The following ZNF778 variants were observed in gnomAD, a reference collection of about 807,000 sequenced individuals.
ZNF778 encodes zinc finger protein 778.
Under a neutral mutation model 23.9 loss-of-function variants are expected in ZNF778, and 37 were observed. The ratio of observed to expected loss-of-function variants is 1.54; its 90% CI spans 1.19 to 2.03. The LOEUF is 2.03. Among genes scored for constraint, ZNF778 ranks in the 30% most tolerant of loss-of-function variants. The pLI is 0.00. For synonymous variants in ZNF778, 483 were observed against 343.9 expected (o/e 1.40, Z -4.48); for missense variants, 1,297 against 934.4 (o/e 1.39, Z -5.06).
In ZNF778 at chr16:89,232,642, G is replaced by GA. The variant is rs112971068; in HGVS notation, c.*4080_*4081insA. The GA allele has an allele frequency of 1.1e-5, 11 of 1,047,116 alleles. No homozygotes were observed. Among genetic ancestry groups the GA allele is most frequent in the Middle Eastern group, 2.7e-4 (1 of 3,748 alleles). 64.9% of individuals were successfully genotyped at this position (1,047,116 alleles called of 1,614,324 possible). A position where few individuals can be genotyped will look rare whatever the true frequency, so the allele number is the denominator to read the frequency against. ...TTAAAGGACCAATTGTATTAATTAT[G>GA]TTTTTTTTTTTTTTGTTAGGGTACA... is the stretch of plus-strand genomic sequence containing the variant. On this transcript the variant is annotated 3_prime_UTR_variant, in exon 7 of 7. Coordinates refer to ENST00000433976, the MANE Select transcript of ZNF778 (RefSeq NM_001201407.2).
Position 89,229,166 on chromosome 16 carries a change from A to C in ZNF778, c.*604A>C, listed in dbSNP as rs2031762862. 1.0e-6 allele frequency: 1 copy of C among 985,908 alleles called. No individual in the cohort carries two copies. The highest frequency in any genetic ancestry group is 1.1e-4 in the East Asian group (1 of 8,838). The allele number at this position is 985,908 out of a possible 1,614,324, so 61.1% of individuals were successfully genotyped here. ...ACAGTGTCCACGTCGCAGCCTGGCT[A>C]ACAGTAGGCCTTGAGGACTCAGATG... is the stretch of plus-strand genomic sequence containing the variant. On this transcript the variant is annotated 3_prime_UTR_variant, in exon 7 of 7. Transcript: ENST00000433976.
rs751078236 is a variant in ZNF778, at chr16:89,221,201, T to TAC, written c.25+53_25+54dup. 40 of 1,444,182 alleles carry TAC rather than the reference T, an allele frequency of 2.8e-5. No individual in the cohort carries two copies. In the South Asian group the frequency reaches 3.8e-4, roughly 14 times the overall value. 89.5% of individuals were successfully genotyped at this position (1,444,182 alleles called of 1,614,324 possible). On this transcript the variant is annotated intron_variant, in intron 2 of 6. Coordinates refer to ENST00000433976, the MANE Select transcript of ZNF778 (RefSeq NM_001201407.2). ...TCAGAGCCTCTGCTCTAGGTCCTGA[T>TAC]ACACAGTGTGTGTATCAGGCCCATG...
At chr16:89,219,309 G>A (rs2030687775) in intron 1 of ZNF778, among the ~76,000 whole-genome samples, 1 of 152,202 alleles carries the variant, frequency 6.6e-6, no homozygotes, top group Admixed American at 6.5e-5. Flanking sequence ...TGACTTTGGT[G>A]TTGTTTTCTC....
In ZNF778 at chr16:89,227,375, A is replaced by G; in HGVS notation, c.1087A>G (p.Lys363Glu). ...SKHVQTDPGQ[K>E]PYECKDCGKA... ...ACACGTCCAAACAGACCCTGGACAG[A>G]AGCCCTATGAATGTAAGGACTGTGG... The change falls in exon 7 of 7, where the codon AAG (lysine) becomes GAG (glutamate). Residue 363 changes from lysine (K) to glutamate (E), a missense_variant. Transcript: ENST00000433976. 6.2e-7 allele frequency: 1 copy of G among 1,613,984 alleles called. No homozygotes were observed. Among genetic ancestry groups the G allele is most frequent in the Non-Finnish European group, 8.5e-7 (1 of 1,179,866 alleles).
rs1439778265 is a variant in ZNF778 at position 89,237,109 on chromosome 16, C to T, written c.*8547C>T. ...GACAATGAGATATACTAAAATGGTC[C>T]AATATGTTAATTAAAACATACTACT... On this transcript the variant is annotated 3_prime_UTR_variant, in exon 7 of 7. Transcript: ENST00000433976. The T allele has an allele frequency of 7.3e-5, 11 of 150,430 alleles. No homozygotes were observed. The highest frequency in any genetic ancestry group is 2.7e-4 in the African/African-American group (11 of 40,806). 9.3% of individuals were successfully genotyped at this position (150,430 alleles called of 1,614,324 possible). A position where few individuals can be genotyped will look rare whatever the true frequency, so the allele number is the denominator to read the frequency against.
At chr16:89,218,852 A>G (rs2151626899) in intron 1 of ZNF778, among the ~76,000 whole-genome samples, 1 of 151,862 alleles carries the variant, frequency 6.6e-6, no homozygotes, top group East Asian at 1.9e-4. Context: ...TCACGCCTGT[A>G]ATCCTAGCAC....
chr16:89,218,568 G>T (rs1486999262), intron 1 of ZNF778, among the ~76,000 whole-genome samples: 2 of 151,996 alleles, frequency 1.3e-5, no homozygotes. Context: ...GAGGCGGGTG[G>T]ATCACGAGGT....
intron 6 of ZNF778, 31 bp from the exon 7 acceptor site, chr16:89,226,663 C>A: frequency 2.5e-6 from 4 of 1,573,836 alleles, no homozygotes; most frequent in Non-Finnish European, 3.5e-6. Context: ...CCTCAGTAAC[C>A]CCCTGACCAC....
intron 1 of ZNF778, 35 bp from the exon 2 acceptor site, chr16:89,220,962 A>G: frequency 1.4e-6 from 1 of 689,790 alleles, no homozygotes; most frequent in East Asian, 2.8e-5. Flanking sequence ...AGGTTTGATA[A>G]CTGGGAAGTA....
rs1246927535 is a variant in ZNF778, at chr16:89,228,375, C to G, written c.2087C>G (p.Thr696Ser). The change falls in exon 7 of 7, where the codon ACT (threonine) becomes AGT (serine). Residue 696 changes from threonine (T) to serine (S), a missense_variant. Transcript: ENST00000433976. ...CTGCATAAACATGGAAGAATTCACA[C>G]TGGGCAGAAACCCTATAAATGTAAG... is the stretch of plus-strand genomic sequence containing the variant. ...SHLHKHGRIH[T>S]GQKPYKCKEC... 6.2e-7 allele frequency: 1 copy of G among 1,613,684 alleles called. No homozygotes were observed. Among genetic ancestry groups the G allele is most frequent in the East Asian group, 2.2e-5 (1 of 44,880 alleles).
At position 89,233,647 on chromosome 16, in the gene ZNF778, C is replaced by G. The variant is rs571027124; in HGVS notation, c.*5085C>G. The G allele has an allele frequency of 1.7e-5, 22 of 1,282,004 alleles. No individual in the cohort carries two copies. In the African/African-American group the frequency reaches 2.1e-4, roughly 12 times the overall value. 79.4% of individuals were successfully genotyped at this position (1,282,004 alleles called of 1,614,324 possible). A position where few individuals can be genotyped will look rare whatever the true frequency, so the allele number is the denominator to read the frequency against. ...CACACTGTATGCAACTCAGCTCGCT[C>G]TGCATATGCAATTCAACTCGCACTG... On this transcript the variant is annotated 3_prime_UTR_variant, in exon 7 of 7. Coordinates refer to ENST00000433976, the MANE Select transcript of ZNF778 (RefSeq NM_001201407.2).
intron 3 of ZNF778, among the ~76,000 whole-genome samples, chr16:89,222,767 C>T (rs900505910): frequency 6.6e-6 from 1 of 152,234 alleles, no homozygotes; most frequent in African/African-American, 2.4e-5. Context: ...TCTCTGGGAA[C>T]TTATTTCCAC....
chr16:89,224,818 A>T lies in ZNF778; in HGVS notation c.328+16A>T. The T allele has an allele frequency of 2.0e-6, 3 of 1,495,178 alleles. No homozygotes were observed. The highest frequency in any genetic ancestry group is 9.0e-7 in the Non-Finnish European group (1 of 1,111,732). 92.6% of individuals were successfully genotyped at this position (1,495,178 alleles called of 1,614,324 possible). A position where few individuals can be genotyped will look rare whatever the true frequency, so the allele number is the denominator to read the frequency against. ...GTTCTCCAAGGTAAGTGTGAAGAGC[A>T]CGCCTGGTCGATGTCAAGTTTAGCA... On this transcript the variant is annotated intron_variant, in intron 5 of 6. Transcript: ENST00000433976.
At chr16:89,220,973 A>T in intron 1 of ZNF778, 24 bp from the exon 2 acceptor site, 1 of 752,804 alleles carries the variant, frequency 1.3e-6, no homozygotes, top group African/African-American at 1.7e-5. Context: ...CTGGGAAGTA[A>T]TGCTTCTTCA....
chr16:89,227,537 G>A lies in ZNF778; in HGVS notation c.1249G>A (p.Gly417Arg), dbSNP rs2031599584. ...TAATAATCATGTTCGAATTCACACT[G>A]GAATAAAACCCTATACATGCAGCTA... ...CLNNHVRIHT[G>R]IKPYTCSYCG... Residue 417 changes from glycine (G) to arginine (R), a missense_variant, in exon 7 of 7, where the codon GGA (glycine) becomes AGA (arginine). Transcript: ENST00000433976. The A allele has an allele frequency of 6.2e-7, 1 of 1,614,146 alleles. No individual in the cohort carries two copies. Among genetic ancestry groups the A allele is most frequent in the Admixed American group, 1.7e-5 (1 of 60,010 alleles).
chr16:89,219,257 G>A (rs999178365), intron 1 of ZNF778, among the ~76,000 whole-genome samples: 7 of 152,200 alleles, frequency 4.6e-5, no homozygotes, highest in African/African-American at 1.7e-4. Context: ...CATCGTTTAT[G>A]TCTTTTCACC....
chr16:89,236,436 CGAT>C lies in ZNF778; in HGVS notation c.*7877_*7879del, dbSNP rs1256730594. ...TCCTTTAGGAATGAAACAGAAGTAA[CGAT>C]GAGGCAATACAAAGAATTGCCTGCA... On this transcript the variant is annotated 3_prime_UTR_variant, in exon 7 of 7. Transcript: ENST00000433976. 6.6e-6 allele frequency: 1 copy of C among 152,012 alleles called. No individual in the cohort carries two copies. Among genetic ancestry groups the C allele is most frequent in the Non-Finnish European group, 1.5e-5 (1 of 68,010 alleles). 9.4% of individuals were successfully genotyped at this position (152,012 alleles called of 1,614,324 possible).
At position 89,233,822 on chromosome 16, in the gene ZNF778, T is replaced by A. The variant is rs2032146139; in HGVS notation, c.*5260T>A. On this transcript the variant is annotated 3_prime_UTR_variant, in exon 7 of 7. Coordinates refer to ENST00000433976, the MANE Select transcript of ZNF778 (RefSeq NM_001201407.2). Reference sequence around the variant, plus strand: ...GCTCGCACTGCGTATGCAACTCAACTGTTGCAAGTACTTATTTCCGGCCAC... The same window carrying A: ...GCTCGCACTGCGTATGCAACTCAACAGTTGCAAGTACTTATTTCCGGCCAC... 7.7e-7 allele frequency: 1 copy of A among 1,291,040 alleles called. No homozygotes were observed. Among genetic ancestry groups the A allele is most frequent in the Non-Finnish European group, 1.0e-6 (1 of 990,008 alleles). 80.0% of individuals were successfully genotyped at this position (1,291,040 alleles called of 1,614,324 possible). A position where few individuals can be genotyped will look rare whatever the true frequency, so the allele number is the denominator to read the frequency against.
At chr16:89,218,656 T>A (rs992165874) in intron 1 of ZNF778, among the ~76,000 whole-genome samples, 1 of 151,980 alleles carries the variant, frequency 6.6e-6, no homozygotes, top group Admixed American at 6.5e-5. Context: ...CCGGGCGTGG[T>A]GGCGGGCTCC....
Sources: allele counts gnomAD v4.1 joint callset (sites outside exome capture counted in the v4.1 genomes callset), GRCh38; gene constraint gnomAD v4.1.1; transcripts MANE v1.5; gene names NCBI Gene and HGNC (gene_info 2026-07-23, HGNC 2026-07-21).